FBXO28: variants seen among roughly 807,000 people sequenced by gnomAD.
FBXO28 encodes the protein F-box only protein 28.
Under a neutral mutation model 38.1 loss-of-function variants are expected in FBXO28, and 8 were observed. The ratio of observed to expected loss-of-function variants is 0.21; its 90% confidence interval spans 0.12 to 0.38. The LOEUF (loss-of-function observed/expected upper bound fraction) is 0.38, where lower values mean the gene tolerates loss of function less well. Among genes scored for constraint, FBXO28 ranks in the 10% least tolerant of loss-of-function variants. FBXO28 has a pLI of 1.00. For synonymous variants in FBXO28, 168 were observed against 173.8 expected, an observed-to-expected ratio of 0.97 and a Z score of 0.26; for missense variants, 345 against 460.6, an observed-to-expected ratio of 0.75 and a Z score of 2.30.
intron 2 of FBXO28, 46 bp downstream of exon 2, chr1:224,130,627 T>C (rs1657017235): frequency 2.8e-5 from 37 of 1,332,752 alleles, no homozygotes; most frequent in Non-Finnish European, 3.8e-5. Flanking sequence ...TGGTTTTGTT[T>C]GTTGCTTGAC....
chr1:224,146,290 A>T (rs1040528996), intron 3 of FBXO28, among the ~76,000 whole-genome samples: 2 of 152,002 alleles, frequency 1.3e-5, no homozygotes, highest in African/African-American at 4.8e-5. Context: ...TAGGTTTTTT[A>T]AATATGGAGG....
At chr1:224,126,620 G>T (rs1656909563) in intron 1 of FBXO28, among the ~76,000 whole-genome samples, 1 of 152,136 alleles carries the variant, frequency 6.6e-6, no homozygotes, top group Non-Finnish European at 1.5e-5. Flanking sequence ...TTCCAGACCA[G>T]CCTAACCAAC....
At chr1:224,138,413 C>T (rs1487745436) in intron 3 of FBXO28, among the ~76,000 whole-genome samples, 3 of 151,902 alleles carry the variant, frequency 2.0e-5, no homozygotes, top group East Asian at 3.9e-4. Context: ...CTTGTGCCTG[C>T]GTTCCAGTAA....
At chr1:224,136,507 AG>A (rs1337273323) in intron 3 of FBXO28, among the ~76,000 whole-genome samples, 3 of 151,696 alleles carry the variant, frequency 2.0e-5, no homozygotes, top group Non-Finnish European at 4.4e-5. Context: ...GCGGATCACA[AG>A]GTCAGGAGGT....
intron 3 of FBXO28, among the ~76,000 whole-genome samples, chr1:224,139,764 G>GCATGCATGCATACATACGTA (rs1386239166): frequency 1.4e-5 from 2 of 145,936 alleles, no homozygotes; most frequent in African/African-American, 5.2e-5. Context: ...ATGCATGCAT[G>GCATGCATGCATACATACGTA]CATACATACA....
chr1:224,129,432 A>C (rs549148854), intron 1 of FBXO28, among the ~76,000 whole-genome samples: 3 of 152,308 alleles, frequency 2.0e-5, no homozygotes, highest in Non-Finnish European at 4.4e-5. Flanking sequence ...TAGAAGAAAT[A>C]AGTAATAATT....
chr1:224,147,283 C>A (rs375990214), intron 3 of FBXO28, among the ~76,000 whole-genome samples: 2 of 151,500 alleles, frequency 1.3e-5, no homozygotes, highest in South Asian at 4.2e-4. Context: ...ATTAGCTGGG[C>A]GTGGTGGCAA....
At chr1:224,130,353 T>C in intron 1 of FBXO28, 119 bp from the exon 2 acceptor site, 1 of 659,572 alleles carries the variant, frequency 1.5e-6, no homozygotes, top group South Asian at 1.9e-5. Flanking sequence ...AAAAAAAAGA[T>C]ATATACAGCA....
At chr1:224,126,538 G>A (rs1656907324) in intron 1 of FBXO28, among the ~76,000 whole-genome samples, 1 of 152,206 alleles carries the variant, frequency 6.6e-6, no homozygotes. Flanking sequence ...CAAATAGGCT[G>A]GGTGCAGTGC....
intron 1 of FBXO28, among the ~76,000 whole-genome samples, chr1:224,127,164 T>TTGTGTGTGTGTGTGTGTG (rs564171368): frequency 1.1e-5 from 1 of 88,482 alleles, no homozygotes; most frequent in African/African-American, 3.9e-5. Flanking sequence ...TGTAAAGTAT[T>TTGTGTGTGTGTGTGTGTG]TGTGTGTGTG....
At position 224,148,858 on chromosome 1, in the gene FBXO28, C is replaced by CCTATTCCTCA. The variant is rs1305174532; in HGVS notation, c.517-4284_517-4283insCTATTCCTCA. 1.3e-3 allele frequency among the ~76,000 whole-genome samples: 3 copies of CCTATTCCTCA among 2,234 alleles called. No individual in the cohort carries two copies. In the East Asian group the frequency reaches 0.044, roughly 33 times the overall value. The allele number at this position is 2,234 out of a possible 152,430, so 1.5% of individuals were successfully genotyped here. A position where few individuals can be genotyped will look rare whatever the true frequency, so the allele number is the denominator to read the frequency against. ...AACTTCCCTTACCTGTTGAAATTTA[C>CCTATTCCTCA]TTACTAATGTCCTTCATTAGACCTA... On this transcript the variant is annotated intron_variant, in intron 3 of 4. Coordinates refer to ENST00000366862, the MANE Select transcript of FBXO28 (RefSeq NM_015176.4).
chr1:224,139,755 TGC>T (rs1470165527), intron 3 of FBXO28, among the ~76,000 whole-genome samples: 62 of 36,238 alleles, frequency 1.7e-3, no homozygotes, highest in Middle Eastern at 0.021. Flanking sequence ...AATACATACA[TGC>T]ATGCATGCAT....
At position 224,130,472 on chromosome 1, in the gene FBXO28, G is replaced by A. The variant is rs771040765; in HGVS notation, c.268G>A (p.Val90Ile). Residue 90 changes from valine to isoleucine, a missense_variant and splice_region_variant, in exon 2 of 5, where the codon GTT (valine) becomes ATT (isoleucine). By Grantham distance (29) the Val-to-Ile change is conservative. Transcript: ENST00000366862. ...SYDEISQLRL[V>I]CKRMDLVCQR... ...TTTTTGTTCTTTTTTCTCCTTGAAG[G>A]TTTGTAAAAGAATGGACTTGGTCTG... 5.0e-6 allele frequency: 8 copies of A among 1,609,454 alleles called. No homozygotes were observed. The Admixed American group carries it at 1.3e-4, about 27-fold the overall frequency.
rs945295846 is a variant in FBXO28, at chr1:224,159,384, C to T, written c.*1638C>T. 3.9e-5 allele frequency: 6 copies of T among 152,098 alleles called. No homozygotes were observed. The highest frequency in any genetic ancestry group is 1.3e-4 in the Admixed American group (2 of 15,178). The allele number at this position is 152,098 out of a possible 1,614,324, so 9.4% of individuals were successfully genotyped here. A position where few individuals can be genotyped will look rare whatever the true frequency, so the allele number is the denominator to read the frequency against. The stretch of plus-strand genomic sequence containing the variant: ...TTTTTCTATCCATTTTTAATATTGT[C>T]CTTACATAATATTGTCCTTAGATTT... On this transcript the variant is annotated 3_prime_UTR_variant, in exon 5 of 5. Coordinates refer to ENST00000366862, the MANE Select transcript of FBXO28 (RefSeq NM_015176.4).
intron 2 of FBXO28, 134 bp downstream of exon 2, chr1:224,130,715 T>A: frequency 1.7e-6 from 1 of 589,124 alleles, no homozygotes; most frequent in East Asian, 2.9e-5. Flanking sequence ...ACAATGTGAT[T>A]TCTGCAGTGG....
At chr1:224,137,256 G>T (rs1020155507) in intron 3 of FBXO28, among the ~76,000 whole-genome samples, 1 of 151,686 alleles carries the variant, frequency 6.6e-6, no homozygotes, top group African/African-American at 2.4e-5. Context: ...TGGGCACGGT[G>T]GCTCACGCCT....
At chr1:224,129,186 C>T (rs1404313231) in intron 1 of FBXO28, among the ~76,000 whole-genome samples, 1 of 151,754 alleles carries the variant, frequency 6.6e-6, no homozygotes, top group Non-Finnish European at 1.5e-5. Context: ...ACTAAAAATA[C>T]AAAATTAGCT....
At position 224,114,405 on chromosome 1, in the gene FBXO28, C is replaced by A; in HGVS notation, c.267+9C>A. The A allele has an allele frequency of 6.4e-7, 1 of 1,556,012 alleles. No individual in the cohort carries two copies. The highest frequency in any genetic ancestry group is 2.4e-5 in the East Asian group (1 of 42,242). ...TTAGCCAGCTCCGCCTGGTGAGGCC[C>A]CCGCAGAACTCCTGCCTCCCTCTCC... is the stretch of plus-strand genomic sequence containing the variant. On this transcript the variant is annotated intron_variant, in intron 1 of 4. Transcript: ENST00000366862.
intron 4 of FBXO28, among the ~76,000 whole-genome samples, chr1:224,153,563 C>T (rs768993393): frequency 3.3e-5 from 5 of 152,148 alleles, no homozygotes; most frequent in South Asian, 2.1e-4. Context: ...ACAATCTGAG[C>T]GGTCTTGCGA....
Sources: allele counts gnomAD v4.1 joint callset (sites outside exome capture counted in the v4.1 genomes callset), GRCh38; gene constraint gnomAD v4.1.1; transcripts MANE v1.5; gene names NCBI Gene and HGNC (gene_info 2026-07-23, HGNC 2026-07-21).